CCNJL: variants seen among roughly 807,000 people sequenced by gnomAD.
CCNJL encodes the protein cyclin-J-like protein.
CCNJL carries 33 observed loss-of-function variants against 33.4 expected under a neutral mutation model. The observed-to-expected ratio is 0.99, with a 90% CI of 0.75 to 1.32. The LOEUF (loss-of-function observed/expected upper bound fraction) is 1.32. CCNJL is among the 40% of genes most tolerant of loss of function. CCNJL has a pLI of 0.00. For missense variants in CCNJL, 512 were observed against 499.7 expected (o/e 1.02, Z -0.23); for synonymous variants, 227 against 220.9 (o/e 1.03, Z -0.24).
At chr5:160,328,953 T>C (rs1327527558) in intron 1 of CCNJL, among the ~76,000 whole-genome samples, 1 of 151,648 alleles carries the variant, frequency 6.6e-6, no homozygotes, top group Non-Finnish European at 1.5e-5. Flanking sequence ...AAAGATTGAG[T>C]AACTTATCCA....
chr5:160,298,005 T>C (rs940780944), intron 2 of CCNJL, among the ~76,000 whole-genome samples: 9 of 152,130 alleles, frequency 5.9e-5, no homozygotes, highest in Non-Finnish European at 7.3e-5. Flanking sequence ...CATCACCAAC[T>C]TGGAGGCTGC....
chr5:160,302,673 G>A (rs752149294), intron 2 of CCNJL, among the ~76,000 whole-genome samples: 14 of 151,988 alleles, frequency 9.2e-5, no homozygotes, highest in Non-Finnish European at 1.8e-4. Flanking sequence ...TTAGCTGGGC[G>A]TCATGGCACA....
upstream of CCNJL, among the ~76,000 whole-genome samples, chr5:160,317,507 C>A (rs1447524634): frequency 6.6e-6 from 1 of 152,084 alleles, no homozygotes; most frequent in Admixed American, 6.6e-5. Flanking sequence ...GTCTGCTGTT[C>A]CGTTCTCTGT....
intron 3 of CCNJL, among the ~76,000 whole-genome samples, chr5:160,260,089 G>C (rs914040561): frequency 6.6e-6 from 1 of 152,230 alleles, no homozygotes; most frequent in Non-Finnish European, 1.5e-5. Context: ...CAAATGCTCA[G>C]ACAAGCCTCT....
At chr5:160,313,123 A>G (rs1763330476), upstream of CCNJL, among the ~76,000 whole-genome samples, 1 of 152,196 alleles carries the variant, frequency 6.6e-6, no homozygotes, top group African/African-American at 2.4e-5. Flanking sequence ...CCTGCAGAAT[A>G]TGAACTATGC....
intron 2 of CCNJL, among the ~76,000 whole-genome samples, chr5:160,310,068 A>G (rs1170754218): frequency 6.6e-6 from 1 of 152,206 alleles, no homozygotes; most frequent in African/African-American, 2.4e-5. Context: ...TATTGCTCTT[A>G]GAAATCCTTC....
intron 2 of CCNJL, among the ~76,000 whole-genome samples, chr5:160,282,990 TATATATATATATATATATAC>T (rs1375377220): frequency 0.013 from 769 of 60,144 alleles, 22 homozygotes; most frequent in East Asian, 0.12. Flanking sequence ...TATATATATA[TATATATATATATATATATAC>T]ATATATATAT....
intron 1 of CCNJL, among the ~76,000 whole-genome samples, chr5:160,321,076 T>TTCTC (rs1763456006): frequency 1.1e-5 from 1 of 92,322 alleles, no homozygotes; most frequent in Non-Finnish European, 2.0e-5. Context: ...CTTTCTTTCT[T>TTCTC]TCTTTCTTTC....
At chr5:160,269,401 T>C (rs1761739767) in intron 3 of CCNJL, 9 of 456,452 alleles carry the variant, frequency 2.0e-5, no homozygotes, top group South Asian at 1.4e-4. Context: ...ATAGGAGTTA[T>C]CTCCTGTCAC....
intron 2 of CCNJL, among the ~76,000 whole-genome samples, chr5:160,289,919 G>A (rs573782701): frequency 6.6e-6 from 1 of 152,350 alleles, no homozygotes; most frequent in South Asian, 2.1e-4. Flanking sequence ...TCAAGACCCT[G>A]GGCCCACGGC....
chr5:160,332,787 CT>C (rs576263690), intron 1 of CCNJL, among the ~76,000 whole-genome samples: 6 of 150,058 alleles, frequency 4.0e-5, no homozygotes, highest in South Asian at 2.1e-4. Flanking sequence ...GTCTTCTCTG[CT>C]TTTTTTTTTC....
At chr5:160,281,779 T>C (rs990163171) in intron 2 of CCNJL, among the ~76,000 whole-genome samples, 41 of 152,190 alleles carry the variant, frequency 2.7e-4, no homozygotes, top group Non-Finnish European at 5.3e-4. Context: ...GCCTCCCAAG[T>C]AGCTAGGACT....
chr5:160,331,796 C>A (rs921802254), intron 1 of CCNJL, among the ~76,000 whole-genome samples: 2 of 152,174 alleles, frequency 1.3e-5, no homozygotes, highest in African/African-American at 4.8e-5. Context: ...TCATTAAGCA[C>A]AAATGGGTTT....
intron 1 of CCNJL, among the ~76,000 whole-genome samples, chr5:160,335,002 C>G (rs1251703735): frequency 6.6e-6 from 1 of 152,254 alleles, no homozygotes; most frequent in Non-Finnish European, 1.5e-5. Flanking sequence ...GTGGCTCATG[C>G]CTCTAATCCC....
chr5:160,263,621 T>C (rs1285601334), intron 3 of CCNJL, among the ~76,000 whole-genome samples: 6 of 152,316 alleles, frequency 3.9e-5, no homozygotes, highest in South Asian at 2.1e-4. Flanking sequence ...CACTGGACCA[T>C]AGCAGGAGTC....
At position 160,311,942 on chromosome 5, in the gene CCNJL, A is replaced by G. The variant is rs758629459; in HGVS notation, c.-19T>C. Reference sequence around the variant, plus strand: ...CCATCATCGCGTACGCAGCGCCGCTATCCGAGGCTACCCGGCTCTCAGGGC... The same window carrying G: ...CCATCATCGCGTACGCAGCGCCGCTGTCCGAGGCTACCCGGCTCTCAGGGC... On this transcript the variant is annotated 5_prime_UTR_variant, in exon 2 of 6. Transcript: ENST00000257536. 8.1e-6 allele frequency: 13 copies of G among 1,613,444 alleles called. No individual in the cohort carries two copies. The Admixed American group carries it at 1.5e-4, about 19-fold the overall frequency.
At position 160,280,528 on chromosome 5, in the gene CCNJL, C is replaced by T. The variant is rs1389990966; in HGVS notation, c.277G>A (p.Ala93Thr). Residue 93 changes from alanine to threonine, a missense_variant, in exon 3 of 6, where the codon GCA becomes ACA. Physicochemically the swap from Ala to Thr is moderately conservative, Grantham distance 58. Coordinates refer to ENST00000257536, the MANE Select transcript of CCNJL (RefSeq NM_001308173.3). Reference protein sequence around the residue: ...YTVAVSCLLLASKFEDREDHV... With the variant: ...YTVAVSCLLLTSKFEDREDHV... ...GAAGACGTAGGTTTTCGCTTACTTG[C>T]AAGCAGGAGGCAGGAGACGGCCACG... 1.2e-6 allele frequency: 2 copies of T among 1,611,986 alleles called. No individual in the cohort carries two copies. The highest frequency in any genetic ancestry group is 1.7e-6 in the Non-Finnish European group (2 of 1,179,798).
chr5:160,302,702 C>T (rs942438218), intron 2 of CCNJL, among the ~76,000 whole-genome samples: 4 of 152,154 alleles, frequency 2.6e-5, no homozygotes, highest in Non-Finnish European at 1.5e-5. Flanking sequence ...ATTCCAGCTA[C>T]TCAGGAGGCT....
chr5:160,298,608 G>A (rs1216194000), intron 2 of CCNJL, among the ~76,000 whole-genome samples: 1 of 152,182 alleles, frequency 6.6e-6, no homozygotes, highest in Non-Finnish European at 1.5e-5. Context: ...TGTGCTAAGT[G>A]CTTAAGGAAT....
Sources: allele counts gnomAD v4.1 joint callset (sites outside exome capture counted in the v4.1 genomes callset), GRCh38; gene constraint gnomAD v4.1.1; transcripts MANE v1.5; gene names NCBI Gene and HGNC (gene_info 2026-07-23, HGNC 2026-07-21).